The following C12orf42 variants were observed in gnomAD, a reference collection of about 807,000 sequenced individuals.
C12orf42 encodes uncharacterized protein C12orf42.
A neutral mutation model predicts 21.6 loss-of-function variants in C12orf42; 25 were observed. The ratio of observed to expected loss-of-function variants is 1.16; its 90% CI spans 0.84 to 1.62. The LOEUF is 1.62. C12orf42 is among the 40% of genes most tolerant of loss of function. C12orf42 has a pLI of 0.00. For synonymous variants in C12orf42, 174 were observed against 175.0 expected, an observed-to-expected ratio of 0.99 and a Z score of 0.05; for missense variants, 483 against 459.3, an observed-to-expected ratio of 1.05 and a Z score of -0.47.
At chr12:103,269,481 A>G (rs532469270) in intron 6 of C12orf42, among the ~76,000 whole-genome samples, 4 of 152,290 alleles carry the variant, frequency 2.6e-5, no homozygotes, top group African/African-American at 9.6e-5. Context: ...TGGTTTTTGG[A>G]ACCAGTCTAT....
chr12:103,468,645 T>A (rs2137821697), intron 2 of C12orf42, among the ~76,000 whole-genome samples: 1 of 152,272 alleles, frequency 6.6e-6, no homozygotes, highest in South Asian at 2.1e-4. Flanking sequence ...TTCTCTCCCA[T>A]TTCAAGTGCC....
the C12orf42 span, among the ~76,000 whole-genome samples, chr12:103,133,388 G>T: frequency 6.6e-6 from 1 of 152,092 alleles, no homozygotes; most frequent in East Asian, 1.9e-4. Context: ...GCTGCCAGGA[G>T]CCCAAAAATC....
At chr12:103,095,139 C>G in the C12orf42 span, among the ~76,000 whole-genome samples, 1 of 152,136 alleles carries the variant, frequency 6.6e-6, no homozygotes, top group East Asian at 1.9e-4. Context: ...ATGGTAATAG[C>G]CCCCTGATTG....
At chr12:103,298,644 T>A (rs147731427), downstream of C12orf42, among the ~76,000 whole-genome samples, 400 of 148,362 alleles carry the variant, frequency 2.7e-3, 2 homozygotes, top group Middle Eastern at 3.5e-3. Flanking sequence ...TCTGGCCAAG[T>A]GGTAGGAGTG....
At chr12:103,138,824 A>G in the C12orf42 span, among the ~76,000 whole-genome samples, 1 of 152,056 alleles carries the variant, frequency 6.6e-6, no homozygotes, top group East Asian at 1.9e-4. Flanking sequence ...GCATCCACAC[A>G]TCCCCTGCTA....
chr12:103,536,266 C>G, the C12orf42 span, among the ~76,000 whole-genome samples: 1 of 152,074 alleles, frequency 6.6e-6, no homozygotes, highest in Non-Finnish European at 1.5e-5. Flanking sequence ...GAGAGAGGAA[C>G]ACAAGAGTAA....
intron 10 of C12orf42, among the ~76,000 whole-genome samples, chr12:103,256,101 TATATATATATACACACACACACAC>T (rs1254016049): frequency 1.3e-4 from 5 of 38,712 alleles, no homozygotes; most frequent in African/African-American, 4.2e-4. Context: ...TATATATATA[TATATATATATACACACACACACAC>T]ACACACACAC....
chr12:103,060,938 A>G, the C12orf42 span, among the ~76,000 whole-genome samples: 4 of 152,224 alleles, frequency 2.6e-5, no homozygotes, highest in African/African-American at 7.2e-5. Flanking sequence ...CTAAAACACC[A>G]AAAGCAATTG....
the C12orf42 span, among the ~76,000 whole-genome samples, chr12:103,117,656 T>C: frequency 6.6e-6 from 1 of 152,234 alleles, no homozygotes; most frequent in East Asian, 1.9e-4. Context: ...AACCCCAGAA[T>C]TAAATAAGTG....
chr12:103,237,739 C>T (rs1466943731), exon 11 of C12orf42: 2 of 152,218 alleles, frequency 1.3e-5, no homozygotes, highest in Non-Finnish European at 2.9e-5. Context: ...TGGCTCTCCT[C>T]CTTGTGCTTT....
At chr12:103,206,100 T>C in the C12orf42 span, among the ~76,000 whole-genome samples, 2 of 152,214 alleles carry the variant, frequency 1.3e-5, no homozygotes, top group Non-Finnish European at 2.9e-5. Context: ...TATCAGGGTT[T>C]GCCTAGTGAC....
the C12orf42 span, among the ~76,000 whole-genome samples, chr12:103,090,069 T>C: frequency 2.0e-5 from 3 of 152,216 alleles, no homozygotes; most frequent in African/African-American, 7.2e-5. Context: ...GTCATCAGTG[T>C]AGATGAACTA....
intron 1 of C12orf42, among the ~76,000 whole-genome samples, chr12:103,491,411 T>C (rs1955176027): frequency 6.6e-6 from 1 of 152,218 alleles, no homozygotes; most frequent in South Asian, 2.1e-4. Flanking sequence ...ATGTAGTAGC[T>C]TCTGTTGTAC....
At chr12:103,379,293 A>G (rs1057345326) in intron 3 of C12orf42, among the ~76,000 whole-genome samples, 2 of 152,146 alleles carry the variant, frequency 1.3e-5, no homozygotes, top group Non-Finnish European at 2.9e-5. Context: ...CTGATGTCCC[A>G]TCTCATTATC....
At position 103,436,747 on chromosome 12, in the gene C12orf42, T is replaced by C. The variant is rs556139071; in HGVS notation, c.79-35072A>G. Among the ~76,000 whole-genome samples the C allele has an allele frequency of 1.3e-4, 20 of 152,306 alleles. No individual in the cohort carries two copies. In the South Asian group the frequency reaches 4.2e-3, roughly 32 times the overall value. On this transcript the variant is annotated intron_variant, in intron 2 of 5. Coordinates refer to ENST00000548883, the MANE Select transcript of C12orf42 (RefSeq NM_198521.5). ...CCCAATACAGGAGCACCCAGATTCATAAAGCAAGTCCTACAAAGTGACCTA... is the reference window on the plus strand; with the variant it reads ...CCCAATACAGGAGCACCCAGATTCACAAAGCAAGTCCTACAAAGTGACCTA...
At chr12:103,060,420 A>G in the C12orf42 span, among the ~76,000 whole-genome samples, 1 of 152,240 alleles carries the variant, frequency 6.6e-6, no homozygotes, top group Admixed American at 6.5e-5. Flanking sequence ...TTATAGATTC[A>G]ATGCTATTCC....
chr12:103,174,486 A>C, the C12orf42 span, among the ~76,000 whole-genome samples: 1 of 152,158 alleles, frequency 6.6e-6, no homozygotes, highest in Non-Finnish European at 1.5e-5. Context: ...CTCACTTTAC[A>C]GATGAGGAAG....
chr12:103,469,881 G>A (rs1192233120), intron 2 of C12orf42, among the ~76,000 whole-genome samples: 3 of 152,152 alleles, frequency 2.0e-5, no homozygotes, highest in Non-Finnish European at 4.4e-5. Flanking sequence ...ATGACAGATC[G>A]AAAGTCACAT....
the C12orf42 span, among the ~76,000 whole-genome samples, chr12:103,561,149 C>T: frequency 6.6e-6 from 1 of 152,126 alleles, no homozygotes. Context: ...CTTCAGACCC[C>T]AAGGCAGGGG....
Sources: gnomAD v4.1 joint callset for allele counts (sites outside exome capture counted in the v4.1 genomes callset) on GRCh38, gnomAD v4.1.1 for gene constraint, MANE v1.5 for transcripts, NCBI Gene and HGNC (gene_info 2026-07-23, HGNC 2026-07-21) for gene names.